CPNE2: variants seen among roughly 807,000 people sequenced by gnomAD.
CPNE2 encodes the protein copine 2, also known as copine-2.
CPNE2 carries 42 observed loss-of-function variants against 69.7 expected under a neutral mutation model. The ratio of observed to expected loss-of-function variants is 0.60; its 90% CI spans 0.47 to 0.78. CPNE2 has a LOEUF of 0.78. Among genes scored for constraint, CPNE2 ranks in the 30% least tolerant of loss-of-function variants. The pLI, the probability that CPNE2 is intolerant of heterozygous loss-of-function variation, is 0.00. For missense variants in CPNE2, 587 were observed against 732.0 expected (o/e 0.80, Z 2.29); for synonymous variants, 294 against 289.8 (o/e 1.01, Z -0.15).
intron 7 of CPNE2, among the ~76,000 whole-genome samples, chr16:57,120,828 A>G (rs1470336578): frequency 6.6e-6 from 1 of 152,140 alleles, no homozygotes; most frequent in Non-Finnish European, 1.5e-5. Context: ...AGGGGGAGCC[A>G]TTTGCCAGGT....
intron 8 of CPNE2, among the ~76,000 whole-genome samples, 170 bp downstream of exon 8, chr16:57,121,361 G>A (rs2069760824): frequency 6.6e-6 from 1 of 152,202 alleles, no homozygotes; most frequent in Admixed American, 6.5e-5. Context: ...GGGGGCAGAG[G>A]ATTTGGGTGG....
chr16:57,100,485 G>C (rs2069606402), intron 1 of CPNE2, among the ~76,000 whole-genome samples: 1 of 152,228 alleles, frequency 6.6e-6, no homozygotes, highest in South Asian at 2.1e-4. Flanking sequence ...CAAGCATTTT[G>C]TAATTTCCAT....
At chr16:57,141,187 G>C (rs2069920127) in intron 14 of CPNE2, 1 of 152,416 alleles carries the variant, frequency 6.6e-6, no homozygotes, top group African/African-American at 2.4e-5. Flanking sequence ...GGAGAGGTGG[G>C]TCTGTGTCTG....
At position 57,130,946 on chromosome 16, in the gene CPNE2, C is replaced by T. The variant is rs1329416985; in HGVS notation, c.1116+3043C>T. Among the ~76,000 whole-genome samples, 2 of 151,774 alleles carry T rather than the reference C, an allele frequency of 1.3e-5. No individual in the cohort carries two copies. Among genetic ancestry groups the T allele is most frequent in the Non-Finnish European group, 2.9e-5 (2 of 67,962 alleles). On this transcript the variant is annotated intron_variant, in intron 12 of 15. Coordinates refer to ENST00000290776, the MANE Select transcript of CPNE2 (RefSeq NM_152727.6). This position sits in a 1 kb window ranked among gnomAD's most constrained non-coding sequence, Gnocchi z 4.1. ...TTGTGGGTAGTCCTGGGGCAGGAGGCGGGGGCTCCTCATAGAACCACGGGC... is the reference window on the plus strand; with the variant it reads ...TTGTGGGTAGTCCTGGGGCAGGAGGTGGGGGCTCCTCATAGAACCACGGGC...
chr16:57,119,394 T>C (rs1675191389), intron 6 of CPNE2, 116 bp downstream of exon 6: 9 of 1,188,552 alleles, frequency 7.6e-6, no homozygotes, highest in Admixed American at 3.7e-5. Flanking sequence ...AAACCCACAG[T>C]GGCACCTGAG....
chr16:57,110,076 T>C (rs1212663888), intron 1 of CPNE2, among the ~76,000 whole-genome samples: 1 of 152,328 alleles, frequency 6.6e-6, no homozygotes, highest in East Asian at 1.9e-4. Flanking sequence ...GAGACACCCA[T>C]GTCCACTGTG....
At chr16:57,145,592 C>T (rs2069950830) in intron 14 of CPNE2, 2 of 183,418 alleles carry the variant, frequency 1.1e-5, no homozygotes, top group South Asian at 9.8e-5. Flanking sequence ...AGGGGGAGAC[C>T]GGTCCCAGAG....
chr16:57,142,685 G>T (rs921292163), intron 14 of CPNE2: 1 of 152,174 alleles, frequency 6.6e-6, no homozygotes, highest in Non-Finnish European at 1.5e-5. Context: ...TCACCCAGGT[G>T]TCTGGTGTCC....
At chr16:57,121,846 C>G in intron 9 of CPNE2, 86 bp downstream of exon 9, 2 of 1,304,852 alleles carry the variant, frequency 1.5e-6, no homozygotes, top group South Asian at 2.4e-5. Context: ...CTGGAGCCAG[C>G]GAGGCCTGTG....
chr16:57,111,601 C>T (rs1380750818), intron 2 of CPNE2, among the ~76,000 whole-genome samples: 1 of 152,242 alleles, frequency 6.6e-6, no homozygotes, highest in Non-Finnish European at 1.5e-5. Context: ...TGAGCTCAGG[C>T]TTTGGGAGCT....
In CPNE2 at chr16:57,147,717, C is replaced by A; in HGVS notation, c.*59C>A. On this transcript the variant is annotated 3_prime_UTR_variant, in exon 16 of 16. Coordinates refer to ENST00000290776, the MANE Select transcript of CPNE2 (RefSeq NM_152727.6). ...CCTCCTGCCCTCCCCCAGGAACATGCACGCTCACTCTGCTTCCTTGTGGGT... is the reference window on the plus strand; with the variant it reads ...CCTCCTGCCCTCCCCCAGGAACATGAACGCTCACTCTGCTTCCTTGTGGGT... 8.8e-7 allele frequency: 1 copy of A among 1,141,762 alleles called. No individual in the cohort carries two copies. The highest frequency in any genetic ancestry group is 1.2e-6 in the Non-Finnish European group (1 of 813,324). 70.7% of individuals were successfully genotyped at this position (1,141,762 alleles called of 1,614,324 possible). A position where few individuals can be genotyped will look rare whatever the true frequency, so the allele number is the denominator to read the frequency against.
In CPNE2 at chr16:57,117,487, G is replaced by A. The variant is rs1235194560; in HGVS notation, c.436-9G>A. On this transcript the variant is annotated splice_polypyrimidine_tract_variant and intron_variant, in intron 4 of 15. Transcript: ENST00000290776. Reference sequence around the variant, plus strand: ...AGTCTGAGGAGCCCCTCATGTCCCGGCCTTACAGATCGCTGCCCAGGAGCT... The same window carrying A: ...AGTCTGAGGAGCCCCTCATGTCCCGACCTTACAGATCGCTGCCCAGGAGCT... The A allele has an allele frequency of 6.2e-7, 1 of 1,612,482 alleles. No individual in the cohort carries two copies. The highest frequency in any genetic ancestry group is 8.5e-7 in the Non-Finnish European group (1 of 1,179,440).
chr16:57,139,637 G>C (rs748552885), intron 14 of CPNE2, among the ~76,000 whole-genome samples: 1 of 152,198 alleles, frequency 6.6e-6, no homozygotes, highest in Non-Finnish European at 1.5e-5. Flanking sequence ...TTAGAAGCAA[G>C]ATGGAGTCAG....
chr16:57,126,778 G>A (rs545191959), intron 11 of CPNE2, among the ~76,000 whole-genome samples: 3 of 152,182 alleles, frequency 2.0e-5, no homozygotes, highest in African/African-American at 7.2e-5. Context: ...GAGCAAGGGA[G>A]GTGGAAGTCA....
At chr16:57,099,819 A>G (rs1273980314) in intron 1 of CPNE2, among the ~76,000 whole-genome samples, 2 of 124,990 alleles carry the variant, frequency 1.6e-5, no homozygotes, top group Admixed American at 9.6e-5. Context: ...TGCTGTTGCC[A>G]GGCTGGAGTG....
chr16:57,097,983 C>T (rs2069588720), intron 1 of CPNE2, among the ~76,000 whole-genome samples: 1 of 152,068 alleles, frequency 6.6e-6, no homozygotes, highest in Non-Finnish European at 1.5e-5. Flanking sequence ...AGTCCCTAGA[C>T]TCACAGGAAG....
Position 57,108,402 on chromosome 16 carries a change from C to A in CPNE2, c.-35-2306C>A, listed in dbSNP as rs1443074429. Among the ~76,000 whole-genome samples the A allele has an allele frequency of 4.6e-5, 7 of 152,336 alleles. No individual in the cohort carries two copies. The East Asian group carries it at 9.6e-4, about 21-fold the overall frequency. On this transcript the variant is annotated intron_variant, in intron 1 of 15. Coordinates refer to ENST00000290776, the MANE Select transcript of CPNE2 (RefSeq NM_152727.6). ...TGGATTTGTGTTCCCAGAGGGGGCC[C>A]ACCCACCACCCCCACTTACTTCCCT...
chr16:57,127,450 G>T (rs553672933), intron 11 of CPNE2, among the ~76,000 whole-genome samples: 2 of 152,272 alleles, frequency 1.3e-5, no homozygotes, highest in South Asian at 4.1e-4. Flanking sequence ...CCACAGGAGG[G>T]TTCTCATATT....
intron 2 of CPNE2, among the ~76,000 whole-genome samples, chr16:57,112,009 C>T (rs1191546218): frequency 6.6e-6 from 1 of 152,230 alleles, no homozygotes; most frequent in Non-Finnish European, 1.5e-5. Flanking sequence ...ATCCAGCCTT[C>T]CAGATGGCTT....
Sources: allele counts gnomAD v4.1 joint callset (sites outside exome capture counted in the v4.1 genomes callset), GRCh38; gene constraint gnomAD v4.1.1; non-coding constraint Gnocchi (gnomAD v3.1); transcripts MANE v1.5; gene names NCBI Gene and HGNC (gene_info 2026-07-23, HGNC 2026-07-21).